The following ZNF451 variants were observed in gnomAD, a reference collection of about 807,000 sequenced individuals.
ZNF451 encodes zinc finger protein 451.
In ZNF451, 80 loss-of-function variants were observed where a neutral mutation model predicts 107.1. That is an observed-to-expected ratio of 0.75 (90% CI 0.62 to 0.90). ZNF451 has a LOEUF of 0.90. Among genes scored for constraint, ZNF451 ranks in the 40% least tolerant of loss-of-function variants. The probability of loss-of-function intolerance (pLI) is 0.00; values close to 1 mark genes in which losing one functional copy is unlikely to be tolerated. For synonymous variants in ZNF451, 362 were observed against 406.5 expected (o/e 0.89, Z 1.32); for missense variants, 1,107 against 1,236.2 (o/e 0.90, Z 1.57).
intron 8 of ZNF451, 24 bp downstream of exon 8, chr6:57,141,479 G>T: frequency 6.3e-7 from 1 of 1,577,962 alleles, no homozygotes; most frequent in South Asian, 1.2e-5. Flanking sequence ...CTCTTCTGCT[G>T]AAAATTAAAC....
intron 13 of ZNF451, chr6:57,154,548 A>G (rs934896496): frequency 6.3e-6 from 1 of 158,862 alleles, no homozygotes; most frequent in African/African-American, 2.4e-5. Context: ...TGGGACTTGC[A>G]CTTTCTTCTG....
rs926891488 is a variant in ZNF451 at position 57,108,519 on chromosome 6, A to AT, written c.186+9387dup. 137 of 982,438 alleles carry AT rather than the reference A, an allele frequency of 1.4e-4. No homozygotes were observed. In the Admixed American group the frequency reaches 2.1e-3, roughly 15 times the overall value. 60.9% of individuals were successfully genotyped at this position (982,438 alleles called of 1,614,324 possible). A position where few individuals can be genotyped will look rare whatever the true frequency, so the allele number is the denominator to read the frequency against. On this transcript the variant is annotated intron_variant, in intron 3 of 14. Coordinates refer to ENST00000370706, the MANE Select transcript of ZNF451 (RefSeq NM_001031623.3). ...AGTCACTAAACACAGTTTTCAATTC[A>AT]TTTTTTTTTACATATTTAATTTACA...
At chr6:57,093,617 CTT>C (rs1829153461) in intron 2 of ZNF451, among the ~76,000 whole-genome samples, 1 of 152,124 alleles carries the variant, frequency 6.6e-6, no homozygotes, top group South Asian at 2.1e-4. Context: ...AGAAAGTTCT[CTT>C]ACAGAAAGTA....
At chr6:57,108,078 A>C in intron 3 of ZNF451, 1 of 812,364 alleles carries the variant, frequency 1.2e-6, no homozygotes, top group Non-Finnish European at 1.5e-6. Flanking sequence ...GAACCTTGTG[A>C]TCCACCTACC....
intron 3 of ZNF451, chr6:57,102,497 GT>G: frequency 1.0e-6 from 1 of 992,554 alleles, no homozygotes; most frequent in Non-Finnish European, 1.2e-6. Context: ...CTAGATGTCT[GT>G]TTACTAAGAC....
At chr6:57,166,779 TCAC>T (rs1473401555) in intron 14 of ZNF451, among the ~76,000 whole-genome samples, 2 of 152,230 alleles carry the variant, frequency 1.3e-5, no homozygotes, top group Non-Finnish European at 2.9e-5. Context: ...TACAGCAGCA[TCAC>T]CACAAACACA....
At chr6:57,114,510 G>C (rs979698128) in intron 3 of ZNF451, among the ~76,000 whole-genome samples, 7 of 152,132 alleles carry the variant, frequency 4.6e-5, no homozygotes, top group Non-Finnish European at 1.0e-4. Flanking sequence ...TGACCTGAAA[G>C]TGACTTTCCT....
intron 14 of ZNF451, 82 bp downstream of exon 14, chr6:57,161,234 C>A: frequency 1.3e-6 from 1 of 753,956 alleles, no homozygotes; most frequent in East Asian, 2.9e-5. Context: ...CACCCATTCA[C>A]CCCTCTTATT....
Position 57,147,363 on chromosome 6 carries a change from A to T in ZNF451, c.1278A>T (p.Ser426=). The T allele has an allele frequency of 6.2e-7, 1 of 1,614,120 alleles. No homozygotes were observed. The highest frequency in any genetic ancestry group is 8.5e-7 in the Non-Finnish European group (1 of 1,179,988). Residue 426 remains serine (S), a synonymous_variant, in exon 10 of 15, where the codon TCA becomes TCT. Transcript: ENST00000370706. ...HLLLDQSKFS[S]LKRTMSIKES... ...TGTTGGATCAATCAAAATTTTCATC[A>T]CTTAAAAGAACCATGTCTATTAAAG...
chr6:57,151,024 A>G (rs537922123), intron 11 of ZNF451, 162 bp downstream of exon 11: 4 of 840,688 alleles, frequency 4.8e-6, no homozygotes, highest in South Asian at 2.0e-5. Context: ...TTTTCTTTAC[A>G]TGCCTCTGTG....
intron 3 of ZNF451, chr6:57,105,299 G>T (rs1829799502): frequency 1.0e-6 from 1 of 983,816 alleles, no homozygotes; most frequent in South Asian, 4.7e-5. Context: ...GTTATTTCTT[G>T]ATTAGATATA....
At chr6:57,150,573 G>T in intron 10 of ZNF451, 146 bp from the exon 11 acceptor site, 1 of 712,262 alleles carries the variant, frequency 1.4e-6, no homozygotes, top group East Asian at 2.8e-5. Flanking sequence ...TACAGATTTG[G>T]ATTTCACAAA....
intron 9 of ZNF451, 88 bp from the exon 10 acceptor site, chr6:57,147,002 T>C (rs1240659972): frequency 1.6e-6 from 2 of 1,238,280 alleles, no homozygotes; most frequent in East Asian, 5.0e-5. Flanking sequence ...ATACGTTGGT[T>C]ATTTTATAAT....
rs979795661 is a variant in ZNF451, at chr6:57,124,762, A to T, written c.215A>T (p.Asp72Val). Residue 72 changes from aspartate (D) to valine (V), a missense_variant, in exon 4 of 15, where the codon GAT becomes GTT. By Grantham distance (152) the Asp-to-Val change is radical. This residue lies in a region of ZNF451 where 339 missense variants were observed against 372.8 expected (regional missense o/e 0.91). Coordinates refer to ENST00000370706, the MANE Select transcript of ZNF451 (RefSeq NM_001031623.3). ...AATATTAAACGTAAAGACCATATTG[A>T]TTATCAGAAGGATAAAGTTGCTTTA... Reference protein sequence around the residue: ...DENIKRKDHIDYQKDKVALTL... With the variant: ...DENIKRKDHIVYQKDKVALTL... 6.9e-6 allele frequency: 11 copies of T among 1,596,584 alleles called. No individual in the cohort carries two copies. The highest frequency in any genetic ancestry group is 9.4e-6 in the Non-Finnish European group (11 of 1,164,984).
chr6:57,133,268 A>G (rs1562611596), intron 6 of ZNF451, 76 bp downstream of exon 6: 1 of 1,405,522 alleles, frequency 7.1e-7, no homozygotes, highest in African/African-American at 1.4e-5. Context: ...TGAAAGCGTA[A>G]TGCTCCTTTG....
chr6:57,133,042 G>T lies in ZNF451; in HGVS notation c.425G>T (p.Gly142Val). 1.2e-6 allele frequency: 2 copies of T among 1,613,944 alleles called. No homozygotes were observed. The highest frequency in any genetic ancestry group is 1.1e-5 in the South Asian group (1 of 91,048). The part of the protein sequence containing the change: ...LCVDQWLKMP[G>V]LKTGTINCGT... ...AAGAATTCATATTCTGATGATGCAG[G>T]ACTCAAAACAGGCACAATTAATTGT... Residue 142 changes from glycine to valine, a missense_variant and splice_region_variant, in exon 6 of 15, where the codon GGA becomes GTA. This residue lies in a region of ZNF451 where 339 missense variants were observed against 372.8 expected (regional missense o/e 0.91). Coordinates refer to ENST00000370706, the MANE Select transcript of ZNF451 (RefSeq NM_001031623.3).
In ZNF451 at chr6:57,134,752, A is replaced by G; in HGVS notation, c.584A>G (p.His195Arg). ...CCTCTTTTGCTGAGTAGGTTCGATC[A>G]CTCTCCATGTGATCCAACAATTACA... Reference protein sequence around the residue: ...LLLGHLKRFDHSPCDPTITLH... With the variant: ...LLLGHLKRFDRSPCDPTITLH... Residue 195 changes from histidine (H) to arginine (R), a missense_variant, in exon 7 of 15, where the codon CAC becomes CGC. Around this residue, in one of 5 missense-constraint regions of ZNF451, gnomAD observed 339 missense variants for 372.8 expected, o/e 0.91. Coordinates refer to ENST00000370706, the MANE Select transcript of ZNF451 (RefSeq NM_001031623.3). The G allele has an allele frequency of 1.9e-6, 3 of 1,611,562 alleles. No individual in the cohort carries two copies. Among genetic ancestry groups the G allele is most frequent in the Non-Finnish European group, 2.5e-6 (3 of 1,178,978 alleles).
At chr6:57,101,946 T>C in intron 3 of ZNF451, 5 of 1,550,546 alleles carry the variant, frequency 3.2e-6, no homozygotes, top group Non-Finnish European at 4.4e-6. Context: ...ACAAATACTA[T>C]AATCAGCATC....
chr6:57,125,259 T>C (rs1830877943), intron 4 of ZNF451, among the ~76,000 whole-genome samples: 1 of 152,190 alleles, frequency 6.6e-6, no homozygotes, highest in Non-Finnish European at 1.5e-5. Flanking sequence ...AAATTTTAGC[T>C]TATCCTTCCA....
Sources: gnomAD v4.1 joint callset for allele counts (sites outside exome capture counted in the v4.1 genomes callset) on GRCh38, gnomAD v4.1.1 for gene constraint, gnomAD v4.1.1 regional missense constraint, MANE v1.5 for transcripts, NCBI Gene and HGNC (gene_info 2026-07-23, HGNC 2026-07-21) for gene names.